The following ABCA3 variants were observed in gnomAD, a reference collection of about 807,000 sequenced individuals.
ABCA3 encodes the protein phospholipid-transporting ATPase ABCA3.
In ABCA3, 88 loss-of-function variants were observed where a neutral mutation model predicts 172.8. That is an observed-to-expected ratio of 0.51 (90% CI 0.43 to 0.61). ABCA3 has a LOEUF of 0.61. Ranked by LOEUF, ABCA3 falls within the 20% of genes least tolerant of loss-of-function variation. The pLI is 0.00. For missense variants in ABCA3, 2,164 were observed against 2,301.0 expected, an observed-to-expected ratio of 0.94 and a Z score of 1.22; for synonymous variants, 1,066 against 983.8, an observed-to-expected ratio of 1.08 and a Z score of -1.56.
chr16:2,334,949 G>A (rs1396802234), intron 1 of ABCA3, among the ~76,000 whole-genome samples: 2 of 150,086 alleles, frequency 1.3e-5, no homozygotes, highest in Non-Finnish European at 3.0e-5. Flanking sequence ...CTGCCTCAGC[G>A]ACCTGAGTGG....
chr16:2,308,675 G>T (rs755248287), intron 10 of ABCA3, 52 bp from the exon 11 acceptor site: 1 of 1,607,592 alleles, frequency 6.2e-7, no homozygotes, highest in Admixed American at 1.7e-5. Context: ...CCTCAAAAGG[G>T]GCTTGGGCTC....
intron 12 of ABCA3, among the ~76,000 whole-genome samples, chr16:2,303,432 T>A (rs757267284): frequency 4.6e-5 from 7 of 152,138 alleles, no homozygotes; most frequent in Admixed American, 6.6e-5. Context: ...CGGCTAGTTT[T>A]TTTTTTATTT....
rs746072878 is a variant in ABCA3, at chr16:2,284,787, C to T, written c.3695G>A (p.Arg1232His). ...IATFLMVTIM[R>H]IPAVKLEELS... ...GGTCTCCAGGTGCCCACCTGGGATG[C>T]GCATGATGGTGACCATCAGGAAGGT... The change falls in exon 24 of 33, where the codon CGC (arginine) becomes CAC (histidine). Residue 1232 changes from arginine (R) to histidine (H), a missense_variant. Physicochemically the swap from Arg to His is conservative, Grantham distance 29. Around this residue, in one of 3 missense-constraint regions of ABCA3, gnomAD observed 795 missense variants for 881.9 expected, o/e 0.90. Coordinates refer to ENST00000301732, the MANE Select transcript of ABCA3 (RefSeq NM_001089.3). This position sits in a 1 kb window ranked among gnomAD's most constrained non-coding sequence, Gnocchi z 5.9. 9.9e-6 allele frequency: 16 copies of T among 1,613,230 alleles called. No individual in the cohort carries two copies. The highest frequency in any genetic ancestry group is 7.7e-5 in the South Asian group (7 of 91,046).
chr16:2,323,769 T>TG, intron 6 of ABCA3, 81 bp from the exon 7 acceptor site: 2 of 1,535,156 alleles, frequency 1.3e-6, no homozygotes, highest in Non-Finnish European at 9.0e-7. Context: ...GGAGAGCGCT[T>TG]GGGGGGCTGT....
Position 2,297,380 on chromosome 16 carries a change from T to C in ABCA3, c.2212A>G (p.Lys738Glu). Reference protein sequence around the residue: ...LLGDRIAIMAKGELQCCGSSL... With the variant: ...LLGDRIAIMAEGELQCCGSSL... ...GACCCGCAGCACTGCAGCTCCCCCT[T>C]GGCCATGATGGCGATGCGGTCTCCC... The change falls in exon 17 of 33, where the codon AAG becomes GAG. Residue 738 changes from lysine to glutamate, a missense_variant. This residue lies in a region of ABCA3 where 1,343 missense variants were observed against 1,369.6 expected (regional missense o/e 0.98). Coordinates refer to ENST00000301732, the MANE Select transcript of ABCA3 (RefSeq NM_001089.3). The surrounding 1 kb of genome is among the most constrained non-coding windows in gnomAD (Gnocchi z 5.6). The C allele has an allele frequency of 6.2e-7, 1 of 1,613,246 alleles. No homozygotes were observed. Among genetic ancestry groups the C allele is most frequent in the Non-Finnish European group, 8.5e-7 (1 of 1,179,984 alleles).
At chr16:2,331,784 C>T (rs527324454) in intron 1 of ABCA3, among the ~76,000 whole-genome samples, 13 of 152,350 alleles carry the variant, frequency 8.5e-5, no homozygotes, top group African/African-American at 3.1e-4. Flanking sequence ...GAGCCCCCAT[C>T]AGCTACTCTA....
In ABCA3 at chr16:2,281,617, T is replaced by C. The variant is rs1478582349; in HGVS notation, c.4036-108A>G. The C allele has an allele frequency of 1.4e-6, 2 of 1,383,294 alleles. No individual in the cohort carries two copies. Among genetic ancestry groups the C allele is most frequent in the African/African-American group, 2.8e-5 (2 of 70,350 alleles). 85.7% of individuals were successfully genotyped at this position (1,383,294 alleles called of 1,614,324 possible). On this transcript the variant is annotated intron_variant, in intron 26 of 32. Coordinates refer to ENST00000301732, the MANE Select transcript of ABCA3 (RefSeq NM_001089.3). The surrounding 1 kb of genome is among the most constrained non-coding windows in gnomAD (Gnocchi z 4.7). ...TGGGAGGTCTGGTGGGACTAAGGCC[T>C]TCAAGGCTTCTCGTCCCAATCTCAG...
At chr16:2,340,162 G>T (rs550681758) in intron 1 of ABCA3, among the ~76,000 whole-genome samples, 1 of 152,232 alleles carries the variant, frequency 6.6e-6, no homozygotes, top group Admixed American at 6.5e-5. Context: ...CCGCAAGTGC[G>T]CGGCGGACGC....
rs763690269 is a variant in ABCA3 at position 2,284,981 on chromosome 16, G to A, written c.3501C>T (p.Phe1167=). 19 of 1,613,398 alleles carry A rather than the reference G, an allele frequency of 1.2e-5. No individual in the cohort carries two copies. The highest frequency in any genetic ancestry group is 6.7e-5 in the African/African-American group (5 of 75,018). ...CGTCCCGCGTGAAGGCACGCACGTCGAAGGCCTTAAACACCACCTGCGGCG... is the reference window on the plus strand; with the variant it reads ...CGTCCCGCGTGAAGGCACGCACGTCAAAGGCCTTAAACACCACCTGCGGCG... ...SLLLLVVFKA[F]DVRAFTRDGH... The change falls in exon 24 of 33, where the codon TTC becomes TTT. Residue 1167 remains phenylalanine, a synonymous_variant. Transcript: ENST00000301732. The surrounding 1 kb of genome is among the most constrained non-coding windows in gnomAD (Gnocchi z 5.9).
Position 2,319,786 on chromosome 16 carries a change from A to G in ABCA3, c.668T>C (p.Met223Thr). The change falls in exon 8 of 33, where the codon ATG becomes ACG. Residue 223 changes from methionine (M) to threonine (T), a missense_variant. By Grantham distance (81) the Met-to-Thr change is moderately conservative. Coordinates refer to ENST00000301732, the MANE Select transcript of ABCA3 (RefSeq NM_001089.3). ...TGTGGCGGCATCGGCATGGTACTCC[A>G]TGATGGCCCGGTCCACAGCATGCTG... ...AVQHAVDRAI[M>T]EYHADAATRQ... is the part of the protein sequence containing the mutation. 1.2e-6 allele frequency: 2 copies of G among 1,613,988 alleles called. No homozygotes were observed. The highest frequency in any genetic ancestry group is 1.7e-6 in the Non-Finnish European group (2 of 1,179,990).
chr16:2,332,306 G>A (rs1197286864), intron 1 of ABCA3: 7 of 661,070 alleles, frequency 1.1e-5, no homozygotes, highest in African/African-American at 1.9e-5. Context: ...TGATAGTCAC[G>A]ATGGGCTTAT....
At chr16:2,309,011 T>C (rs548128484) in intron 10 of ABCA3, among the ~76,000 whole-genome samples, 1 of 152,072 alleles carries the variant, frequency 6.6e-6, no homozygotes, top group Non-Finnish European at 1.5e-5. Context: ...AGTGGCACGA[T>C]CTCGGCTCAC....
intron 1 of ABCA3, among the ~76,000 whole-genome samples, chr16:2,336,800 A>G (rs1440602281): frequency 6.6e-6 from 1 of 152,112 alleles, no homozygotes; most frequent in Non-Finnish European, 1.5e-5. Flanking sequence ...GAGAGTTTAT[A>G]AATGGGATGT....
Position 2,277,136 on chromosome 16 carries a change from C to T in ABCA3, c.4984-331G>A, listed in dbSNP as rs1169971402. On this transcript the variant is annotated intron_variant, in intron 32 of 32. Transcript: ENST00000301732. The surrounding 1 kb of genome is among the most constrained non-coding windows in gnomAD (Gnocchi z 5.3). The stretch of plus-strand genomic sequence containing the variant: ...TTTTAGAGAGAGTCTTGCTCTGTAG[C>T]CCAGGCTGGAGTGCAGTGGCACAAT... 6.6e-6 allele frequency among the ~76,000 whole-genome samples: 1 copy of T among 152,202 alleles called. No homozygotes were observed. The highest frequency in any genetic ancestry group is 2.4e-5 in the African/African-American group (1 of 41,444).
chr16:2,336,350 G>T (rs914275291), intron 1 of ABCA3, among the ~76,000 whole-genome samples: 2 of 152,004 alleles, frequency 1.3e-5, no homozygotes, highest in Non-Finnish European at 2.9e-5. Flanking sequence ...ACCCTGCCTC[G>T]TAAGCACAGG....
At position 2,305,831 on chromosome 16, in the gene ABCA3, A is replaced by C. The variant is rs139410362; in HGVS notation, c.1286-1681T>G. The stretch of plus-strand genomic sequence containing the variant: ...CTCAAGCCTTCCTCCTGCCTCGGCC[A>C]TAAGTCTTTTTTAATCACAGAAATA... On this transcript the variant is annotated intron_variant, in intron 11 of 32. Transcript: ENST00000301732. Among the ~76,000 whole-genome samples, 93 of 151,952 alleles carry C rather than the reference A, an allele frequency of 6.1e-4. No homozygotes were observed. The East Asian group carries it at 0.017, about 27-fold the overall frequency.
chr16:2,276,175 A>C lies in ABCA3; in HGVS notation c.*499T>G. The C allele has an allele frequency of 2.6e-6, 1 of 382,520 alleles. No homozygotes were observed. Among genetic ancestry groups the C allele is most frequent in the Non-Finnish European group, 5.3e-6 (1 of 188,716 alleles). 23.7% of individuals were successfully genotyped at this position (382,520 alleles called of 1,614,324 possible). ...GACGCTAAGACCCCAGCACCTAATC[A>C]CAGTCAGCAGCTTCCCTCCACTGAC... On this transcript the variant is annotated 3_prime_UTR_variant, in exon 33 of 33. Transcript: ENST00000301732.
At position 2,287,974 on chromosome 16, in the gene ABCA3, G is replaced by C; in HGVS notation, c.3004+52C>G. Reference sequence around the variant, plus strand: ...GCTGCAGTCAGGAAGGCGAACTCTGGCTGCAGGACTGGCCCCCGATGCCCC... The same window carrying C: ...GCTGCAGTCAGGAAGGCGAACTCTGCCTGCAGGACTGGCCCCCGATGCCCC... On this transcript the variant is annotated intron_variant, in intron 21 of 32. Coordinates refer to ENST00000301732, the MANE Select transcript of ABCA3 (RefSeq NM_001089.3). The surrounding 1 kb of genome is among the most constrained non-coding windows in gnomAD (Gnocchi z 4.1). The C allele has an allele frequency of 6.3e-7, 1 of 1,589,262 alleles. No individual in the cohort carries two copies. The highest frequency in any genetic ancestry group is 1.7e-5 in the Admixed American group (1 of 59,862).
intron 2 of ABCA3, among the ~76,000 whole-genome samples, chr16:2,329,014 A>G (rs1384403780): frequency 6.8e-6 from 1 of 146,970 alleles, no homozygotes; most frequent in Non-Finnish European, 1.5e-5. Flanking sequence ...TTTTTTTAAG[A>G]TGTGGCTGTT....
Sources: allele counts gnomAD v4.1 joint callset (sites outside exome capture counted in the v4.1 genomes callset), GRCh38; gene constraint gnomAD v4.1.1; regional missense constraint gnomAD v4.1.1; non-coding constraint Gnocchi (gnomAD v3.1); transcripts MANE v1.5; gene names NCBI Gene and HGNC (gene_info 2026-07-23, HGNC 2026-07-21).